SRL: variants seen among roughly 807,000 people sequenced by gnomAD.
SRL encodes the protein sarcalumenin.
A neutral mutation model predicts 39.5 loss-of-function variants in SRL; 23 were observed. That is an observed-to-expected ratio of 0.58 (90% CI 0.42 to 0.82). SRL has a LOEUF of 0.82. SRL is among the 40% of genes least tolerant of loss of function. The probability of loss-of-function intolerance (pLI) is 0.00; values close to 1 mark genes in which losing one functional copy is unlikely to be tolerated. For missense variants in SRL, 592 were observed against 607.8 expected (o/e 0.97, Z 0.27); for synonymous variants, 272 against 237.4 (o/e 1.15, Z -1.34).
At chr16:4,219,484 C>T (rs191447391) in intron 1 of SRL, among the ~76,000 whole-genome samples, 99 of 152,276 alleles carry the variant, frequency 6.5e-4, no homozygotes, top group African/African-American at 9.6e-4. Context: ...GAGACAGTCT[C>T]GCTCTATCAC....
rs111601443 is a variant in SRL, at chr16:4,204,402, A to AAGAT, written c.163+127_163+130dup. ...TTCCCCAACGTCCCCTCCAGCCTCC[A>AAGAT]AGATAGATACAGCCCCGGCCTCCAA... On this transcript the variant is annotated intron_variant, in intron 2 of 5. Coordinates refer to ENST00000399609, the MANE Select transcript of SRL (RefSeq NM_001098814.2). 6.3e-4 allele frequency: 56 copies of AAGAT among 89,450 alleles called. 1 individual carries two copies. Among genetic ancestry groups the AAGAT allele is most frequent in the South Asian group, 1.5e-3 (14 of 9,574 alleles). 5.5% of individuals were successfully genotyped at this position (89,450 alleles called of 1,614,324 possible).
At chr16:4,239,494 A>G (rs1038584034) in intron 1 of SRL, 5 of 152,324 alleles carry the variant, frequency 3.3e-5, no homozygotes, top group African/African-American at 1.2e-4. Flanking sequence ...CAATGGCTTA[A>G]ACCCGAAGAA....
intron 1 of SRL, among the ~76,000 whole-genome samples, chr16:4,230,226 A>C (rs1300515101): frequency 6.6e-6 from 1 of 152,128 alleles, no homozygotes; most frequent in Admixed American, 6.5e-5. Context: ...GCAGAGCTCC[A>C]GATCAGCCAG....
intron 1 of SRL, chr16:4,239,633 C>A (rs1016334426): frequency 6.6e-6 from 1 of 152,370 alleles, no homozygotes; most frequent in Non-Finnish European, 1.5e-5. Context: ...TTCACACTCA[C>A]CGTACAGGGA....
chr16:4,223,439 G>A lies in SRL; in HGVS notation c.61+18568C>T, dbSNP rs148005226. Among the ~76,000 whole-genome samples, 186 of 151,968 alleles carry A rather than the reference G, an allele frequency of 1.2e-3. 3 individuals carry two copies. The highest frequency in any genetic ancestry group is 0.011 in the Admixed American group (164 of 15,260). On this transcript the variant is annotated intron_variant, in intron 1 of 5. Coordinates refer to ENST00000399609, the MANE Select transcript of SRL (RefSeq NM_001098814.2). The stretch of plus-strand genomic sequence containing the variant: ...GTCACTCCAGCTGGAGTGCAGTGGT[G>A]CAATCATGGCTCACTGCAGCCTCAA...
At chr16:4,216,227 C>T (rs2052458196) in intron 1 of SRL, among the ~76,000 whole-genome samples, 1 of 152,110 alleles carries the variant, frequency 6.6e-6, no homozygotes, top group Non-Finnish European at 1.5e-5. Flanking sequence ...CTGGAGGAGT[C>T]ATCAGTATAA....
intron 1 of SRL, among the ~76,000 whole-genome samples, chr16:4,233,263 G>A (rs936635215): frequency 1.3e-4 from 20 of 152,198 alleles, no homozygotes; most frequent in African/African-American, 3.6e-4. Flanking sequence ...TGGCAGTGCC[G>A]TGCTCTGAGC....
At position 4,192,747 on chromosome 16, in the gene SRL, C is replaced by A. The variant is rs1375842370; in HGVS notation, c.828G>T (p.Leu276Phe). The change falls in exon 6 of 6, where the codon TTG becomes TTT. Residue 276 changes from leucine to phenylalanine, a missense_variant. By Grantham distance (22) the Leu-to-Phe change is conservative. Transcript: ENST00000399609. The surrounding 1 kb of genome is among the most constrained non-coding windows in gnomAD (Gnocchi z 4.0). The part of the protein sequence containing the change: ...MRVYGALFWS[L>F]APLINVTEPP... ...GCTCTGTGACATTGATGAGAGGGGCCAAGCTCCAGAAGAGGGCCCCGTAAA... is the reference window on the plus strand; with the variant it reads ...GCTCTGTGACATTGATGAGAGGGGCAAAGCTCCAGAAGAGGGCCCCGTAAA... 5.6e-6 allele frequency: 9 copies of A among 1,614,044 alleles called. No individual in the cohort carries two copies. Among genetic ancestry groups the A allele is most frequent in the Non-Finnish European group, 6.8e-6 (8 of 1,180,052 alleles).
intron 1 of SRL, among the ~76,000 whole-genome samples, chr16:4,225,267 T>C (rs956462074): frequency 6.6e-6 from 1 of 152,198 alleles, no homozygotes; most frequent in African/African-American, 2.4e-5. Context: ...ATATGAATTA[T>C]ATCTCAATAA....
At position 4,214,561 on chromosome 16, in the gene SRL, G is replaced by T. The variant is rs939582815; in HGVS notation, c.62-9927C>A. On this transcript the variant is annotated intron_variant, in intron 1 of 5. Transcript: ENST00000399609. ...CCGCCCCACGTTTTGGCTCTCATTG[G>T]CTGTATATTAAGTGCAGCAGGGAGC... Among the ~76,000 whole-genome samples the T allele has an allele frequency of 2.6e-5, 4 of 152,156 alleles. No individual in the cohort carries two copies. The East Asian group carries it at 7.7e-4, about 29-fold the overall frequency.
rs890491196 is a variant in SRL, at chr16:4,224,965, C to T, written c.61+17042G>A. 5.5e-4 allele frequency among the ~76,000 whole-genome samples: 84 copies of T among 152,078 alleles called. 2 individuals carry two copies. The highest frequency in any genetic ancestry group is 4.1e-3 in the Admixed American group (63 of 15,274). On this transcript the variant is annotated intron_variant, in intron 1 of 5. Coordinates refer to ENST00000399609, the MANE Select transcript of SRL (RefSeq NM_001098814.2). ...ACAACACGGCTGAACCTGGAAGACA[C>T]GGTGGTAAGTGAAAGAAGCTGGACA... is the stretch of plus-strand genomic sequence containing the variant.
intron 2 of SRL, among the ~76,000 whole-genome samples, 165 bp from the exon 3 acceptor site, chr16:4,203,426 C>G (rs1017345139): frequency 3.9e-5 from 6 of 152,236 alleles, no homozygotes; most frequent in African/African-American, 1.4e-4. Flanking sequence ...ATATGGGGAG[C>G]TGGCCCACAT....
intron 1 of SRL, among the ~76,000 whole-genome samples, chr16:4,237,233 C>A (rs1040568073): frequency 1.3e-5 from 2 of 152,214 alleles, no homozygotes; most frequent in East Asian, 1.9e-4. Flanking sequence ...TGAGCCACTT[C>A]ATCCAAGCCC....
chr16:4,237,365 C>A (rs1339853339), intron 1 of SRL, among the ~76,000 whole-genome samples: 1 of 152,146 alleles, frequency 6.6e-6, no homozygotes, highest in Admixed American at 6.5e-5. Context: ...GGCTCCCAAG[C>A]TGGGAAGGCC....
rs779967528 is a variant in SRL, at chr16:4,192,630, T to C, written c.945A>G (p.Leu315=). ...ELFLQEEISL[L]EDLNQVIENR... is the part of the protein sequence containing the mutation. ...TCTCGATCACCTGATTCAGGTCTTCTAGGAGGGAGATCTCTTCTTGGAGGA... is the reference window on the plus strand; with the variant it reads ...TCTCGATCACCTGATTCAGGTCTTCCAGGAGGGAGATCTCTTCTTGGAGGA... The change falls in exon 6 of 6, where the codon CTA becomes CTG. Residue 315 remains leucine, a synonymous_variant. Transcript: ENST00000399609. The surrounding 1 kb of genome is among the most constrained non-coding windows in gnomAD (Gnocchi z 4.0). The C allele has an allele frequency of 7.4e-6, 12 of 1,613,978 alleles. No homozygotes were observed. Among genetic ancestry groups the C allele is most frequent in the Non-Finnish European group, 9.3e-6 (11 of 1,180,004 alleles).
At chr16:4,220,623 G>A (rs1052503361) in intron 1 of SRL, among the ~76,000 whole-genome samples, 3 of 152,252 alleles carry the variant, frequency 2.0e-5, no homozygotes, top group South Asian at 4.1e-4. Flanking sequence ...TCCCTCTCTG[G>A]ATATCCCACC....
At chr16:4,235,865 G>A (rs1221827958) in intron 1 of SRL, among the ~76,000 whole-genome samples, 1 of 152,162 alleles carries the variant, frequency 6.6e-6, no homozygotes. Flanking sequence ...GAGGTGAGCG[G>A]ATCTCGAGGT....
At chr16:4,204,499 C>A (rs368002291) in intron 2 of SRL, 34 bp downstream of exon 2, 1 of 1,501,962 alleles carries the variant, frequency 6.7e-7, no homozygotes, top group East Asian at 2.6e-5. Context: ...GCCGGGCTCT[C>A]CCAGCCCTGG....
intron 1 of SRL, among the ~76,000 whole-genome samples, chr16:4,216,884 T>C (rs2052467210): frequency 1.3e-5 from 2 of 152,120 alleles, no homozygotes; most frequent in African/African-American, 4.8e-5. Context: ...CTGGGATCTG[T>C]GGGGATGAGG....
Sources: gnomAD v4.1 joint callset for allele counts (sites outside exome capture counted in the v4.1 genomes callset) on GRCh38, gnomAD v4.1.1 for gene constraint, Gnocchi (gnomAD v3.1) non-coding constraint, MANE v1.5 for transcripts, NCBI Gene and HGNC (gene_info 2026-07-23, HGNC 2026-07-21) for gene names.